TRHDE: variants seen among roughly 807,000 people sequenced by gnomAD.
TRHDE encodes the protein thyrotropin-releasing hormone-degrading ectoenzyme.
In TRHDE, 72 loss-of-function variants were observed where a neutral mutation model predicts 125.7. The observed-to-expected ratio is 0.57, with a 90% CI of 0.47 to 0.70. The LOEUF (loss-of-function observed/expected upper bound fraction) is 0.70, where lower values mean the gene tolerates loss of function less well. Among genes scored for constraint, TRHDE ranks in the 30% least tolerant of loss-of-function variants. The pLI is 0.00. For synonymous variants in TRHDE, 509 were observed against 509.1 expected, an observed-to-expected ratio of 1.00 and a Z score of 0.00; for missense variants, 1,110 against 1,327.1, an observed-to-expected ratio of 0.84 and a Z score of 2.54.
At chr12:72,658,754 T>G (rs1253005565) in intron 18 of TRHDE, among the ~76,000 whole-genome samples, 2 of 152,198 alleles carry the variant, frequency 1.3e-5, no homozygotes, top group Non-Finnish European at 2.9e-5. Context: ...ATTATGGCTT[T>G]TATTTCATTA....
chr12:72,127,895 A>G (rs1302870185), intron 2 of TRHDE, among the ~76,000 whole-genome samples: 1 of 152,166 alleles, frequency 6.6e-6, no homozygotes, highest in African/African-American at 2.4e-5. Context: ...ATATATACAC[A>G]CACACAGACA....
At chr12:72,307,401 C>T (rs1183506765) in intron 2 of TRHDE, among the ~76,000 whole-genome samples, 1 of 151,102 alleles carries the variant, frequency 6.6e-6, no homozygotes, top group Non-Finnish European at 1.5e-5. Flanking sequence ...TCTGGAACTC[C>T]TGGCGTCAAG....
At chr12:72,204,270 C>A (rs575162004) in intron 2 of TRHDE, among the ~76,000 whole-genome samples, 1 of 152,158 alleles carries the variant, frequency 6.6e-6, no homozygotes, top group South Asian at 2.1e-4. Context: ...GCATTTGATA[C>A]TCTCGTCCAC....
intron 5 of TRHDE, among the ~76,000 whole-genome samples, chr12:72,494,514 A>T (rs771634565): frequency 1.1e-4 from 17 of 151,942 alleles, no homozygotes; most frequent in Non-Finnish European, 1.5e-4. Context: ...TTTGGTGACA[A>T]AGTCAAAGTA....
At chr12:72,135,443 A>C (rs1359070737) in intron 2 of TRHDE, among the ~76,000 whole-genome samples, 1 of 152,194 alleles carries the variant, frequency 6.6e-6, no homozygotes, top group East Asian at 1.9e-4. Flanking sequence ...TCTCACATTC[A>C]ATCAATACAT....
intron 3 of TRHDE, among the ~76,000 whole-genome samples, chr12:72,442,723 G>C (rs993457553): frequency 6.6e-6 from 1 of 151,750 alleles, no homozygotes; most frequent in Non-Finnish European, 1.5e-5. Context: ...CTCTTCCCAT[G>C]TATTTCATGT....
chr12:72,165,498 ATGCAGTTTTAG>A (rs1876724798), intron 2 of TRHDE, among the ~76,000 whole-genome samples: 2 of 152,260 alleles, frequency 1.3e-5, no homozygotes, highest in South Asian at 4.2e-4. Context: ...CTAGTGAGAA[ATGCAGTTTTAG>A]CCAATGTCTA....
intron 3 of TRHDE, among the ~76,000 whole-genome samples, chr12:72,392,029 ATC>A (rs748839279): frequency 4.6e-5 from 7 of 151,844 alleles, no homozygotes; most frequent in Non-Finnish European, 7.4e-5. Context: ...AGGAAGAGAG[ATC>A]TCTCTCTCTC....
chr12:72,106,375 A>G (rs1875188434), intron 2 of TRHDE, among the ~76,000 whole-genome samples: 1 of 152,174 alleles, frequency 6.6e-6, no homozygotes, highest in South Asian at 2.1e-4. Flanking sequence ...AGTTAAAGAA[A>G]AAGGTAAATA....
rs1875169678 is a variant in TRHDE, at chr12:72,668,296, TA to T, written c.*5105del. 1 of 151,916 alleles carries T rather than the reference TA, an allele frequency of 6.6e-6. No individual in the cohort carries two copies. The highest frequency in any genetic ancestry group is 2.4e-5 in the African/African-American group (1 of 41,562). 9.4% of individuals were successfully genotyped at this position (151,916 alleles called of 1,614,324 possible). A position where few individuals can be genotyped will look rare whatever the true frequency, so the allele number is the denominator to read the frequency against. Reference sequence around the variant, plus strand: ...TTTTTAAACTGTCTTAAATATTTAATAAAAGCAGTTGTTAAAAATATATGTT... The same window carrying T: ...TTTTTAAACTGTCTTAAATATTTAATAAAGCAGTTGTTAAAAATATATGTT... On this transcript the variant is annotated 3_prime_UTR_variant, in exon 19 of 19. Coordinates refer to ENST00000261180, the MANE Select transcript of TRHDE (RefSeq NM_013381.3).
intron 2 of TRHDE, among the ~76,000 whole-genome samples, chr12:72,130,690 T>C (rs1875840183): frequency 6.6e-6 from 1 of 152,196 alleles, no homozygotes; most frequent in Non-Finnish European, 1.5e-5. Flanking sequence ...GGGTAATATT[T>C]GTAAACTAAC....
intron 2 of TRHDE, among the ~76,000 whole-genome samples, chr12:72,296,055 G>A (rs1231377301): frequency 6.6e-6 from 1 of 152,054 alleles, no homozygotes; most frequent in Non-Finnish European, 1.5e-5. Context: ...GAGCTTTCTT[G>A]CCAGCTCCTT....
At position 72,664,691 on chromosome 12, in the gene TRHDE, T is replaced by C. The variant is rs1045746366; in HGVS notation, c.*1496T>C. 1 of 152,136 alleles carries C rather than the reference T, an allele frequency of 6.6e-6. No individual in the cohort carries two copies. 9.4% of individuals were successfully genotyped at this position (152,136 alleles called of 1,614,324 possible). A position where few individuals can be genotyped will look rare whatever the true frequency, so the allele number is the denominator to read the frequency against. Reference sequence around the variant, plus strand: ...CAAATGTTTGTAAATCACGTCTTATTTTCCTGAGGTTTTTCACTCCACCAA... The same window carrying C: ...CAAATGTTTGTAAATCACGTCTTATCTTCCTGAGGTTTTTCACTCCACCAA... On this transcript the variant is annotated 3_prime_UTR_variant, in exon 19 of 19. Transcript: ENST00000261180.
intron 1 of TRHDE, among the ~76,000 whole-genome samples, chr12:72,102,970 A>G (rs1443576150): frequency 6.6e-6 from 1 of 152,240 alleles, no homozygotes; most frequent in Non-Finnish European, 1.5e-5. Context: ...TTTTGGCCAA[A>G]CACAGGACAA....
At chr12:72,112,598 C>G (rs1407155770) in intron 2 of TRHDE, among the ~76,000 whole-genome samples, 1 of 152,080 alleles carries the variant, frequency 6.6e-6, no homozygotes, top group Non-Finnish European at 1.5e-5. Context: ...ATGGTAATTA[C>G]TTTTCAACAC....
intron 2 of TRHDE, among the ~76,000 whole-genome samples, chr12:72,342,595 A>G (rs576120916): frequency 6.6e-6 from 1 of 152,298 alleles, no homozygotes; most frequent in Admixed American, 6.5e-5. Context: ...GTAAGCAATG[A>G]ATAAAGAGAA....
Position 72,663,247 on chromosome 12 carries a change from C to T in TRHDE, c.*52C>T, listed in dbSNP as rs73316872. The T allele has an allele frequency of 4.8e-4, 693 of 1,436,314 alleles. 4 individuals carry two copies. In the African/African-American group the frequency reaches 8.1e-3, roughly 17 times the overall value. The allele number at this position is 1,436,314 out of a possible 1,614,324, so 89.0% of individuals were successfully genotyped here. ...CAACTCAGAAGTTTATGAGAAGACA[C>T]GCTTTTTGTGGAATGAGGAAAATGT... On this transcript the variant is annotated 3_prime_UTR_variant, in exon 19 of 19. Transcript: ENST00000261180.
chr12:72,621,560 T>C, intron 14 of TRHDE, 84 bp from the exon 15 acceptor site: 1 of 1,021,238 alleles, frequency 9.8e-7, no homozygotes, highest in South Asian at 1.5e-5. Flanking sequence ...ACCATTTTTA[T>C]GTTAATAATT....
intron 6 of TRHDE, among the ~76,000 whole-genome samples, chr12:72,534,368 A>G (rs1213345167): frequency 6.6e-6 from 1 of 152,124 alleles, no homozygotes; most frequent in Non-Finnish European, 1.5e-5. Flanking sequence ...AAAGTTTCTT[A>G]TCTTTGTTTT....
Sources: allele counts gnomAD v4.1 joint callset (sites outside exome capture counted in the v4.1 genomes callset), GRCh38; gene constraint gnomAD v4.1.1; transcripts MANE v1.5; gene names NCBI Gene and HGNC (gene_info 2026-07-23, HGNC 2026-07-21).